The following CA10 variants were observed in gnomAD, a reference collection of about 807,000 sequenced individuals.
CA10 encodes the protein carbonic anhydrase-related protein 10.
CA10 carries 14 observed loss-of-function variants against 44.2 expected under a neutral mutation model. The observed-to-expected ratio is 0.32, with a 90% CI of 0.21 to 0.50. The LOEUF (loss-of-function observed/expected upper bound fraction) is 0.50. Among genes scored for constraint, CA10 ranks in the 20% least tolerant of loss-of-function variants. The pLI, the probability that CA10 is intolerant of heterozygous loss-of-function variation, is 0.99. For missense variants in CA10, 350 were observed against 409.7 expected (o/e 0.85, Z 1.26); for synonymous variants, 159 against 141.6 (o/e 1.12, Z -0.87).
rs34302336 is a variant in CA10 at position 52,085,966 on chromosome 17, CTAT to C, written c.62-13576_62-13574del. Among the ~76,000 whole-genome samples the C allele has an allele frequency of 7.0e-3, 1,068 of 152,262 alleles. 4 individuals are homozygous for C. Among genetic ancestry groups the C allele is most frequent in the Non-Finnish European group, 0.011 (757 of 68,024 alleles). ...TGGTTTCTCCAGATAAAAGAAAGCT[CTAT>C]TATAATCTCTGAAGTTTCTTACCAT... On this transcript the variant is annotated intron_variant, in intron 1 of 8. Transcript: ENST00000451037.
Position 51,633,569 on chromosome 17 carries a change from G to T in CA10, c.871C>A (p.Pro291Thr). The change falls in exon 8 of 9, where the codon CCA (proline) becomes ACA (threonine). Residue 291 changes from proline (P) to threonine (T), a missense_variant. Transcript: ENST00000451037. ...SMSDNFRPVQPLNNRCIRTNI... is the reference protein window; with the variant it reads ...SMSDNFRPVQTLNNRCIRTNI... ...GTGCGGATGCAGCGGTTGTTGAGTGGCTGGACAGGCCTGAAGTTGTCACTC... is the reference window on the plus strand; with the variant it reads ...GTGCGGATGCAGCGGTTGTTGAGTGTCTGGACAGGCCTGAAGTTGTCACTC... The T allele has an allele frequency of 6.2e-7, 1 of 1,614,034 alleles. No homozygotes were observed. The highest frequency in any genetic ancestry group is 2.2e-5 in the East Asian group (1 of 44,874).
intron 3 of CA10, among the ~76,000 whole-genome samples, chr17:51,876,420 T>C (rs1818100): frequency 6.6e-6 from 1 of 150,452 alleles, no homozygotes; most frequent in East Asian, 2.0e-4. Flanking sequence ...TGAGCTCAAG[T>C]GATCCTCCTG....
At chr17:51,833,177 A>T (rs1353810306) in intron 3 of CA10, among the ~76,000 whole-genome samples, 1 of 152,118 alleles carries the variant, frequency 6.6e-6, no homozygotes, top group Non-Finnish European at 1.5e-5. Flanking sequence ...TCCTCCAGGT[A>T]TCCAGGCTTC....
chr17:51,783,071 A>G (rs1429329639), intron 3 of CA10, among the ~76,000 whole-genome samples: 1 of 152,234 alleles, frequency 6.6e-6, no homozygotes, highest in Admixed American at 6.5e-5. Context: ...TAGACTTTTT[A>G]TCTACAATCA....
intron 1 of CA10, among the ~76,000 whole-genome samples, chr17:52,156,621 G>A (rs1323554254): frequency 1.3e-5 from 2 of 152,186 alleles, no homozygotes; most frequent in African/African-American, 2.4e-5. Context: ...CAGGGCTGAA[G>A]GAAGAGGCAG....
At chr17:51,644,800 CTTTTTTTTT>C (rs148441183) in intron 6 of CA10, among the ~76,000 whole-genome samples, 1 of 121,130 alleles carries the variant, frequency 8.3e-6, no homozygotes, top group African/African-American at 3.1e-5. Flanking sequence ...CATTTCTTGG[CTTTTTTTTT>C]TTTTTTTTTG....
At chr17:52,016,367 G>C (rs1398699052) in intron 2 of CA10, among the ~76,000 whole-genome samples, 1 of 152,126 alleles carries the variant, frequency 6.6e-6, no homozygotes, top group Non-Finnish European at 1.5e-5. Context: ...TATATTTCCA[G>C]TGCATTGCAG....
chr17:52,070,453 T>C (rs1309722665), intron 2 of CA10: 1 of 152,202 alleles, frequency 6.6e-6, no homozygotes, highest in Admixed American at 6.5e-5. Context: ...CAAGGCTGAT[T>C]TAGTCCTTAT....
chr17:52,003,920 C>G (rs980312791), intron 2 of CA10, among the ~76,000 whole-genome samples: 4 of 140,904 alleles, frequency 2.8e-5, no homozygotes, highest in Admixed American at 2.8e-4. Flanking sequence ...AGAATAGATA[C>G]TTATAGTAAA....
intron 4 of CA10, among the ~76,000 whole-genome samples, chr17:51,701,097 T>A (rs1245660010): frequency 7.6e-6 from 1 of 131,250 alleles, no homozygotes; most frequent in Non-Finnish European, 1.5e-5. Context: ...AAAAAACAAT[T>A]TTTTTTTCAA....
intron 1 of CA10, among the ~76,000 whole-genome samples, chr17:52,097,483 C>A (rs1988432310): frequency 6.6e-6 from 1 of 152,136 alleles, no homozygotes; most frequent in Non-Finnish European, 1.5e-5. Flanking sequence ...ATTTCTCTTG[C>A]ACTTCTAATT....
chr17:51,863,435 G>T (rs1501261), intron 3 of CA10, among the ~76,000 whole-genome samples: 25 of 152,184 alleles, frequency 1.6e-4, no homozygotes, highest in African/African-American at 5.8e-4. Flanking sequence ...GGATGCATTT[G>T]CATGCAAATA....
At chr17:51,981,050 C>A (rs1169563276) in intron 2 of CA10, among the ~76,000 whole-genome samples, 1 of 152,086 alleles carries the variant, frequency 6.6e-6, no homozygotes, top group African/African-American at 2.4e-5. Flanking sequence ...GGTGAAACAA[C>A]TCCAATACCC....
intron 2 of CA10, among the ~76,000 whole-genome samples, chr17:52,061,981 G>A (rs1987398653): frequency 1.3e-5 from 2 of 151,760 alleles, no homozygotes; most frequent in African/African-American, 2.4e-5. Flanking sequence ...GGAAGGGGTG[G>A]TCACATACTG....
At position 52,044,305 on chromosome 17, in the gene CA10, AT is replaced by A. The variant is rs1192997237; in HGVS notation, c.136+28013del. ...AGAGGTTGTATGTTTCTGGGAATTT[AT>A]TTTTTATTTTTATTTAAGACAGGGT... On this transcript the variant is annotated intron_variant, in intron 2 of 8. Coordinates refer to ENST00000451037, the MANE Select transcript of CA10 (RefSeq NM_020178.5). Among the ~76,000 whole-genome samples the A allele has an allele frequency of 2.0e-5, 3 of 151,824 alleles. No homozygotes were observed. The East Asian group carries it at 5.9e-4, about 30-fold the overall frequency.
intron 2 of CA10, among the ~76,000 whole-genome samples, chr17:51,951,418 C>T (rs747698911): frequency 5.4e-4 from 82 of 152,286 alleles, no homozygotes; most frequent in Non-Finnish European, 8.4e-4. Flanking sequence ...AATCCTGTTC[C>T]CCGGCTCAGT....
intron 2 of CA10, among the ~76,000 whole-genome samples, chr17:52,002,718 G>A (rs1340001021): frequency 6.6e-6 from 1 of 151,930 alleles, no homozygotes; most frequent in Non-Finnish European, 1.5e-5. Flanking sequence ...GGGAAAGGAA[G>A]TATATCCATT....
chr17:51,922,623 A>G (rs1369933477), intron 3 of CA10, among the ~76,000 whole-genome samples: 1 of 152,140 alleles, frequency 6.6e-6, no homozygotes, highest in Non-Finnish European at 1.5e-5. Context: ...CCACTTCGAT[A>G]TCTTTAGCTC....
intron 1 of CA10, among the ~76,000 whole-genome samples, chr17:52,088,579 C>T (rs1175396236): frequency 1.3e-5 from 2 of 152,100 alleles, no homozygotes; most frequent in African/African-American, 2.4e-5. Context: ...ACATCAAAGA[C>T]AGATTATTAC....
Sources: allele counts gnomAD v4.1 joint callset (sites outside exome capture counted in the v4.1 genomes callset), GRCh38; gene constraint gnomAD v4.1.1; transcripts MANE v1.5; gene names NCBI Gene and HGNC (gene_info 2026-07-23, HGNC 2026-07-21).